PRKDC: variants seen among roughly 807,000 people sequenced by gnomAD.
The protein encoded by PRKDC is DNA-dependent protein kinase catalytic subunit.
Under a neutral mutation model 486.9 loss-of-function variants are expected in PRKDC, and 82 were observed. The ratio of observed to expected loss-of-function variants is 0.17; its 90% CI spans 0.14 to 0.20. PRKDC has a LOEUF of 0.20. Ranked by LOEUF, PRKDC falls within the 10% of genes least tolerant of loss-of-function variation. The pLI is 1.00. For missense variants in PRKDC, 4,504 were observed against 5,038.2 expected, an observed-to-expected ratio of 0.89 and a Z score of 3.21; for synonymous variants, 1,895 against 1,837.0, an observed-to-expected ratio of 1.03 and a Z score of -0.81.
chr8:47,856,230 G>A (rs1196702015), intron 49 of PRKDC, among the ~76,000 whole-genome samples: 2 of 151,964 alleles, frequency 1.3e-5, no homozygotes, highest in Non-Finnish European at 2.9e-5. Context: ...GTGGGGGGGT[G>A]GTGGTGGAGC....
chr8:47,791,094 T>C (rs1271556396), intron 74 of PRKDC, among the ~76,000 whole-genome samples: 1 of 152,122 alleles, frequency 6.6e-6, no homozygotes, highest in African/African-American at 2.4e-5. Context: ...TCAAAAAGCT[T>C]CTGCACAGCA....
At chr8:47,871,009 A>C (rs1563776969) in intron 40 of PRKDC, among the ~76,000 whole-genome samples, 1 of 152,226 alleles carries the variant, frequency 6.6e-6, no homozygotes, top group Non-Finnish European at 1.5e-5. Flanking sequence ...ATGAACATGT[A>C]GGCAGGCTAT....
intron 40 of PRKDC, among the ~76,000 whole-genome samples, chr8:47,871,272 T>C (rs945764796): frequency 6.6e-6 from 1 of 152,078 alleles, no homozygotes; most frequent in Non-Finnish European, 1.5e-5. Flanking sequence ...CAAATAAAAC[T>C]ACCTCAAGGC....
chr8:47,784,060 C>G (rs866022924), intron 77 of PRKDC: 14 of 424,890 alleles, frequency 3.3e-5, no homozygotes, highest in African/African-American at 2.4e-4. Context: ...AGACAGAGAC[C>G]ATCCTGGCTT....
At chr8:47,939,521 G>A (rs2090405999) in intron 11 of PRKDC, 30 bp downstream of exon 11, 1 of 1,599,558 alleles carries the variant, frequency 6.3e-7, no homozygotes, top group Non-Finnish European at 8.5e-7. Flanking sequence ...GTGAAACCAA[G>A]ACAAAATAGA....
chr8:47,842,780 C>T (rs1178362070), intron 54 of PRKDC, among the ~76,000 whole-genome samples: 2 of 152,106 alleles, frequency 1.3e-5, no homozygotes, highest in South Asian at 2.1e-4. Flanking sequence ...ATCCGGATGG[C>T]GAGAAAGCTC....
intron 54 of PRKDC, among the ~76,000 whole-genome samples, chr8:47,840,949 C>T (rs533170361): frequency 6.6e-5 from 10 of 152,270 alleles, no homozygotes; most frequent in Admixed American, 5.2e-4. Context: ...CAACATGCTT[C>T]GAAGACATCT....
chr8:47,866,339 GT>G (rs2088812299), intron 40 of PRKDC, among the ~76,000 whole-genome samples: 1 of 152,072 alleles, frequency 6.6e-6, no homozygotes, highest in Non-Finnish European at 1.5e-5. Flanking sequence ...CTTTTCTGTT[GT>G]TTTATAGGCC....
At chr8:47,895,289 ACAG>A (rs1428780854) in intron 30 of PRKDC, among the ~76,000 whole-genome samples, 1 of 152,214 alleles carries the variant, frequency 6.6e-6, no homozygotes, top group African/African-American at 2.4e-5. Flanking sequence ...CTGCAAGGCC[ACAG>A]AAGAGATAAA....
At chr8:47,914,968 T>C (rs887113421) in intron 23 of PRKDC, among the ~76,000 whole-genome samples, 2 of 152,134 alleles carry the variant, frequency 1.3e-5, no homozygotes, top group African/African-American at 4.8e-5. Flanking sequence ...TAATCAAAAA[T>C]GGTAATTCTC....
At chr8:47,885,435 G>A (rs993483101) in intron 36 of PRKDC, among the ~76,000 whole-genome samples, 6 of 151,694 alleles carry the variant, frequency 4.0e-5, no homozygotes, top group African/African-American at 9.7e-5. Flanking sequence ...TTACAGGCAT[G>A]AGCCACCATG....
intron 74 of PRKDC, among the ~76,000 whole-genome samples, chr8:47,791,133 C>T (rs915402676): frequency 1.3e-5 from 2 of 152,128 alleles, no homozygotes; most frequent in African/African-American, 4.8e-5. Context: ...AGGGACAACC[C>T]ACAGAATGGG....
intron 68 of PRKDC, among the ~76,000 whole-genome samples, chr8:47,812,800 T>A (rs1223629684): frequency 6.6e-6 from 1 of 151,914 alleles, no homozygotes; most frequent in East Asian, 1.9e-4. Context: ...AGTAAAAAAC[T>A]GATCCTTTGA....
chr8:47,950,253 CA>C, intron 7 of PRKDC, among the ~76,000 whole-genome samples: 1 of 135,638 alleles, frequency 7.4e-6, no homozygotes, highest in East Asian at 2.2e-4. Flanking sequence ...GGCTGGGTGA[CA>C]AGAGTGAAAC....
At chr8:47,936,121 C>T (rs1276606578) in intron 12 of PRKDC, among the ~76,000 whole-genome samples, 2 of 151,554 alleles carry the variant, frequency 1.3e-5, no homozygotes, top group Non-Finnish European at 2.9e-5. Context: ...CTATCCCAAG[C>T]AACAATTCCA....
At chr8:47,813,646 C>T (rs561361087) in intron 68 of PRKDC, among the ~76,000 whole-genome samples, 1 of 151,788 alleles carries the variant, frequency 6.6e-6, no homozygotes, top group East Asian at 1.9e-4. Context: ...TACGATCTTG[C>T]CTCACCGCAA....
chr8:47,835,595 C>A (rs183432453), intron 58 of PRKDC, among the ~76,000 whole-genome samples: 10 of 117,076 alleles, frequency 8.5e-5, no homozygotes, highest in Admixed American at 1.3e-4. Flanking sequence ...CAGCTCCAGC[C>A]TGGTGACAGA....
chr8:47,933,050 T>G lies in PRKDC; in HGVS notation c.1746A>C (p.Thr582=). The stretch of plus-strand genomic sequence containing the variant: ...GTTCCCCAACAGTCTGTATTTCAAG[T>G]GTAAGATCCAATTTCTCAACAATCT... ...VLKIVEKLDL[T]LEIQTVGEQE... is the part of the protein sequence containing the mutation. The change falls in exon 16 of 86, where the codon ACA becomes ACC. Residue 582 remains threonine (T), a synonymous_variant. Transcript: ENST00000314191. 6.3e-7 allele frequency: 1 copy of G among 1,598,826 alleles called. No individual in the cohort carries two copies. The highest frequency in any genetic ancestry group is 8.5e-7 in the Non-Finnish European group (1 of 1,174,550).
At chr8:47,955,278 C>T (rs558264726) in intron 4 of PRKDC, among the ~76,000 whole-genome samples, 48 of 151,062 alleles carry the variant, frequency 3.2e-4, no homozygotes, top group African/African-American at 7.5e-4. Flanking sequence ...CCGGCTAAAA[C>T]GGTGAAACCT....
Sources: allele counts gnomAD v4.1 joint callset (sites outside exome capture counted in the v4.1 genomes callset), GRCh38; gene constraint gnomAD v4.1.1; transcripts MANE v1.5; gene names NCBI Gene and HGNC (gene_info 2026-07-23, HGNC 2026-07-21).